The following AGBL1 variants were observed in gnomAD, a reference collection of about 807,000 sequenced individuals.
AGBL1 encodes the protein cytosolic carboxypeptidase 4.
AGBL1 carries 130 observed loss-of-function variants against 118.9 expected under a neutral mutation model. The ratio of observed to expected loss-of-function variants is 1.09; its 90% CI spans 0.95 to 1.26. AGBL1 has a LOEUF of 1.26. Among genes scored for constraint, AGBL1 ranks in the 50% most tolerant of loss-of-function variants. The pLI is 0.00. For synonymous variants in AGBL1, 555 were observed against 478.9 expected, an observed-to-expected ratio of 1.16 and a Z score of -2.08; for missense variants, 1,584 against 1,298.1, an observed-to-expected ratio of 1.22 and a Z score of -3.38.
chr15:86,706,261 A>T (rs1027336121), intron 22 of AGBL1, among the ~76,000 whole-genome samples: 13 of 152,068 alleles, frequency 8.5e-5, no homozygotes, highest in Non-Finnish European at 1.3e-4. Flanking sequence ...ATAAAAACTT[A>T]AAAAATATTT....
intron 24 of AGBL1, among the ~76,000 whole-genome samples, chr15:86,990,172 G>T (rs1032701845): frequency 1.4e-4 from 22 of 152,150 alleles, no homozygotes; most frequent in African/African-American, 4.6e-4. Context: ...AATGGTTAGA[G>T]GGCTCTTGTG....
At chr15:86,578,266 G>A (rs1190224765) in intron 21 of AGBL1, among the ~76,000 whole-genome samples, 1 of 152,224 alleles carries the variant, frequency 6.6e-6, no homozygotes, top group East Asian at 1.9e-4. Flanking sequence ...AGATTTGACT[G>A]CTCTGCTGGA....
chr15:86,262,449 T>A (rs182447562), intron 9 of AGBL1, among the ~76,000 whole-genome samples: 46 of 152,274 alleles, frequency 3.0e-4, no homozygotes, highest in African/African-American at 1.1e-3. Context: ...ATTACAATGA[T>A]GCTGACGATA....
intron 22 of AGBL1, among the ~76,000 whole-genome samples, chr15:86,735,655 GAT>G (rs61663652): frequency 1.4e-5 from 2 of 146,738 alleles, no homozygotes; most frequent in African/African-American, 2.6e-5. Flanking sequence ...TACAAAGAGA[GAT>G]ATATATATAT....
At chr15:86,121,164 C>T (rs1277210058) in intron 1 of AGBL1, among the ~76,000 whole-genome samples, 1 of 152,196 alleles carries the variant, frequency 6.6e-6, no homozygotes, top group African/African-American at 2.4e-5. Flanking sequence ...TCCCAAAGTT[C>T]TGGGATTACA....
At chr15:86,435,595 T>G (rs1385676426) in intron 18 of AGBL1, among the ~76,000 whole-genome samples, 2 of 152,206 alleles carry the variant, frequency 1.3e-5, no homozygotes, top group Non-Finnish European at 2.9e-5. Flanking sequence ...TAAAACTCAA[T>G]GGGCTGCTTT....
chr15:86,901,859 T>C (rs933529879), intron 22 of AGBL1, among the ~76,000 whole-genome samples: 7 of 152,160 alleles, frequency 4.6e-5, no homozygotes, highest in East Asian at 1.9e-4. Context: ...TTTTCTGTTG[T>C]GGATGAATTT....
At chr15:86,464,876 A>T (rs2082382760) in intron 18 of AGBL1, among the ~76,000 whole-genome samples, 1 of 151,654 alleles carries the variant, frequency 6.6e-6, no homozygotes. Flanking sequence ...ATCAATGTTC[A>T]TTAGGGATAT....
chr15:86,763,625 C>G (rs1196656596), intron 22 of AGBL1, among the ~76,000 whole-genome samples: 1 of 151,886 alleles, frequency 6.6e-6, no homozygotes, highest in Non-Finnish European at 1.5e-5. Context: ...GAATGCCTAA[C>G]ACAGCTCTCA....
chr15:86,370,236 G>A (rs1235885551), intron 17 of AGBL1, among the ~76,000 whole-genome samples: 2 of 151,386 alleles, frequency 1.3e-5, no homozygotes, highest in African/African-American at 4.9e-5. Context: ...GGTAAATCAT[G>A]TGTCTTGGAG....
intron 21 of AGBL1, among the ~76,000 whole-genome samples, chr15:86,669,333 A>T (rs916310881): frequency 1.3e-5 from 2 of 152,182 alleles, no homozygotes; most frequent in Non-Finnish European, 1.5e-5. Flanking sequence ...AGAATTATTA[A>T]TATGGAACAA....
At chr15:86,224,985 T>C (rs773112925) in intron 6 of AGBL1, 34 bp downstream of exon 6, 1 of 1,608,182 alleles carries the variant, frequency 6.2e-7, no homozygotes, top group Non-Finnish European at 8.5e-7. Flanking sequence ...GCTATTTCTC[T>C]CCACTCTGGG....
chr15:86,153,592 A>G (rs550303799), intron 3 of AGBL1, among the ~76,000 whole-genome samples: 349 of 152,320 alleles, frequency 2.3e-3, no homozygotes, highest in African/African-American at 8.0e-3. Context: ...AAACCAACAC[A>G]GCACATGTAT....
chr15:86,397,854 A>G (rs2081391324), intron 18 of AGBL1, among the ~76,000 whole-genome samples: 2 of 152,144 alleles, frequency 1.3e-5, no homozygotes, highest in African/African-American at 4.8e-5. Flanking sequence ...AGGAAGCTAT[A>G]GAATCACAGG....
At chr15:86,742,738 A>G (rs2077697844) in intron 22 of AGBL1, among the ~76,000 whole-genome samples, 1 of 152,126 alleles carries the variant, frequency 6.6e-6, no homozygotes, top group Admixed American at 6.6e-5. Flanking sequence ...TCAGTGCTCT[A>G]TTCATTCCTC....
chr15:86,575,006 T>C (rs1596281257), intron 21 of AGBL1, among the ~76,000 whole-genome samples: 1 of 151,036 alleles, frequency 6.6e-6, no homozygotes, highest in Non-Finnish European at 1.5e-5. Flanking sequence ...CTAACCAATA[T>C]GGTGAAACCC....
chr15:86,394,588 T>C (rs2081335893), intron 17 of AGBL1, among the ~76,000 whole-genome samples: 1 of 152,070 alleles, frequency 6.6e-6, no homozygotes, highest in Non-Finnish European at 1.5e-5. Context: ...CATCCAGAAG[T>C]AACGAAGAAG....
At chr15:86,511,183 A>C (rs1395744079) in intron 18 of AGBL1, among the ~76,000 whole-genome samples, 1 of 152,090 alleles carries the variant, frequency 6.6e-6, no homozygotes, top group East Asian at 1.9e-4. Context: ...GGGAAGAGGA[A>C]TATTAATTTT....
At chr15:86,475,274 C>T (rs898113092) in intron 18 of AGBL1, among the ~76,000 whole-genome samples, 1 of 152,086 alleles carries the variant, frequency 6.6e-6, no homozygotes, top group African/African-American at 2.4e-5. Context: ...TTAAACTTCT[C>T]CAAGCTAAAG....
Sources: allele counts gnomAD v4.1 joint callset (sites outside exome capture counted in the v4.1 genomes callset), GRCh38; gene constraint gnomAD v4.1.1; transcripts MANE v1.5; gene names NCBI Gene and HGNC (gene_info 2026-07-23, HGNC 2026-07-21).